RAB4B: variants seen among roughly 807,000 people sequenced by gnomAD.
RAB4B encodes ras-related protein Rab-4B.
A neutral mutation model predicts 28.3 loss-of-function variants in RAB4B; 15 were observed. That is an observed-to-expected ratio of 0.53 (90% CI 0.35 to 0.82). The LOEUF (loss-of-function observed/expected upper bound fraction) is 0.82. RAB4B is among the 40% of genes least tolerant of loss of function. RAB4B has a pLI of 0.01. For missense variants in RAB4B, 244 were observed against 288.5 expected (o/e 0.85, Z 1.12); for synonymous variants, 108 against 116.3 (o/e 0.93, Z 0.46).
In RAB4B at chr19:40,780,454, C is replaced by G; in HGVS notation, c.167C>G (p.Thr56Ser). 1 of 1,613,778 alleles carries G rather than the reference C, an allele frequency of 6.2e-7. No homozygotes were observed. The highest frequency in any genetic ancestry group is 1.1e-5 in the South Asian group (1 of 91,048). The stretch of plus-strand genomic sequence containing the variant: ...CGGGTGGTCAACGTGGGTGGGAAGA[C>G]TGTGAAGCTACAGATTTGGGACACG... ...GSRVVNVGGK[T>S]VKLQIWDTAG... Residue 56 changes from threonine to serine, a missense_variant, in exon 3 of 8, where the codon ACT (threonine) becomes AGT (serine). Transcript: ENST00000357052.
intron 7 of RAB4B, among the ~76,000 whole-genome samples, chr19:40,788,571 T>C (rs1269370119): frequency 6.9e-6 from 1 of 144,056 alleles, no homozygotes; most frequent in East Asian, 2.0e-4. Context: ...GATGAGTGGA[T>C]AGGGTGGAGG....
intron 7 of RAB4B, among the ~76,000 whole-genome samples, chr19:40,788,931 G>A (rs904025559): frequency 1.1e-4 from 16 of 151,028 alleles, no homozygotes; most frequent in Middle Eastern, 3.4e-3. Context: ...ACAGGCGCCC[G>A]CCACCACGCC....
intron 7 of RAB4B, among the ~76,000 whole-genome samples, chr19:40,788,824 C>T (rs564468368): frequency 8.3e-6 from 1 of 120,960 alleles, no homozygotes; most frequent in South Asian, 2.9e-4. Flanking sequence ...GAGTCTTGCT[C>T]TGTTGCCCAG....
chr19:40,778,273 G>C lies in RAB4B; in HGVS notation c.-103G>C. ...GAAGTGGCGGTGCCGGGCCCGGGGAGTAGGAAGGAGCCGGGGCTGTAGCCG... is the reference window on the plus strand; with the variant it reads ...GAAGTGGCGGTGCCGGGCCCGGGGACTAGGAAGGAGCCGGGGCTGTAGCCG... On this transcript the variant is annotated 5_prime_UTR_variant, in exon 1 of 8. Coordinates refer to ENST00000357052, the MANE Select transcript of RAB4B (RefSeq NM_016154.5). 8.5e-7 allele frequency: 1 copy of C among 1,180,890 alleles called. No individual in the cohort carries two copies. Among genetic ancestry groups the C allele is most frequent in the South Asian group, 1.5e-5 (1 of 67,700 alleles). 73.2% of individuals were successfully genotyped at this position (1,180,890 alleles called of 1,614,324 possible).
Position 40,778,364 on chromosome 19 carries a change from C to A in RAB4B, c.-12C>A, listed in dbSNP as rs1434286405. On this transcript the variant is annotated 5_prime_UTR_variant, in exon 1 of 8. Coordinates refer to ENST00000357052, the MANE Select transcript of RAB4B (RefSeq NM_016154.5). The stretch of plus-strand genomic sequence containing the variant: ...GCGCCATATTGCGGCCCTCAGCGGC[C>A]GCGACCGAGTCATGGCTGAGACCTA... The A allele has an allele frequency of 6.7e-7, 1 of 1,482,272 alleles. No individual in the cohort carries two copies. The highest frequency in any genetic ancestry group is 8.9e-7 in the Non-Finnish European group (1 of 1,124,478). The allele number at this position is 1,482,272 out of a possible 1,614,324, so 91.8% of individuals were successfully genotyped here.
chr19:40,778,354 C>T lies in RAB4B; in HGVS notation c.-22C>T, dbSNP rs1258138740. 11 of 1,482,286 alleles carry T rather than the reference C, an allele frequency of 7.4e-6. No individual in the cohort carries two copies. In the East Asian group the frequency reaches 3.0e-4, roughly 40 times the overall value. 91.8% of individuals were successfully genotyped at this position (1,482,286 alleles called of 1,614,324 possible). On this transcript the variant is annotated 5_prime_UTR_variant, in exon 1 of 8. Transcript: ENST00000357052. The stretch of plus-strand genomic sequence containing the variant: ...CGCGGCCGCGGCGCCATATTGCGGC[C>T]CTCAGCGGCCGCGACCGAGTCATGG...
chr19:40,795,138 C>G (rs1247089198), intron 7 of RAB4B, among the ~76,000 whole-genome samples: 2 of 138,470 alleles, frequency 1.4e-5, no homozygotes, highest in Non-Finnish European at 3.0e-5. Flanking sequence ...CACTGCACTT[C>G]AGCCCAGGCA....
At chr19:40,787,257 T>G (rs2545755) in intron 7 of RAB4B, among the ~76,000 whole-genome samples, 118,794 of 151,396 alleles carry the variant, frequency 0.78, 47,001 homozygotes, top group African/African-American at 0.88. Flanking sequence ...GGGCCAGGCC[T>G]GGCTCGGTGG....
At chr19:40,783,147 CAAAAAAAAAAA>C (rs1168587843) in intron 3 of RAB4B, among the ~76,000 whole-genome samples, 9 of 35,716 alleles carry the variant, frequency 2.5e-4, no homozygotes, top group South Asian at 4.2e-3. Context: ...GATTCCTACT[CAAAAAAAAAAA>C]AAAAAAAAAA....
chr19:40,791,904 A>G (rs963922682), intron 7 of RAB4B, among the ~76,000 whole-genome samples: 1 of 152,212 alleles, frequency 6.6e-6, no homozygotes, highest in African/African-American at 2.4e-5. Flanking sequence ...AAGTGCTGGA[A>G]TTATAGGCAT....
chr19:40,780,192 C>G lies in RAB4B; in HGVS notation c.97+93C>G, dbSNP rs532058770. ...AGCCGGTGGGGAGGGCAGGGCTGGC[C>G]ATAGGTACAAGTCCAGTGCTGGCTT... On this transcript the variant is annotated intron_variant, in intron 2 of 7. Coordinates refer to ENST00000357052, the MANE Select transcript of RAB4B (RefSeq NM_016154.5). 3.4e-5 allele frequency: 53 copies of G among 1,557,482 alleles called. No individual in the cohort carries two copies. The African/African-American group carries it at 5.3e-4, about 16-fold the overall frequency.
chr19:40,780,224 C>T, intron 2 of RAB4B, 125 bp downstream of exon 2: 5 of 1,483,532 alleles, frequency 3.4e-6, no homozygotes, highest in African/African-American at 2.8e-5. Context: ...GCTTTTTGGT[C>T]CTTGCTTTGT....
intron 7 of RAB4B, chr19:40,792,564 G>A (rs1470603398): frequency 6.6e-6 from 1 of 152,184 alleles, no homozygotes; most frequent in Non-Finnish European, 1.5e-5. Flanking sequence ...TATTTTATGT[G>A]TTAATCAAGG....
intron 5 of RAB4B, 172 bp from the exon 6 acceptor site, chr19:40,786,493 G>A: frequency 1.1e-6 from 1 of 895,178 alleles, no homozygotes; most frequent in Non-Finnish European, 1.7e-6. Flanking sequence ...AGAGCTGGGT[G>A]GGCATATCGG....
chr19:40,787,025 G>T, intron 7 of RAB4B, 47 bp downstream of exon 7: 1 of 1,474,672 alleles, frequency 6.8e-7, no homozygotes, highest in Non-Finnish European at 9.4e-7. Flanking sequence ...TCTTGGGCAT[G>T]GGGGAGATGG....
Position 40,778,356 on chromosome 19 carries a change from T to G in RAB4B, c.-20T>G. ...CGGCCGCGGCGCCATATTGCGGCCC[T>G]CAGCGGCCGCGACCGAGTCATGGCT... is the stretch of plus-strand genomic sequence containing the variant. On this transcript the variant is annotated 5_prime_UTR_variant, in exon 1 of 8. Coordinates refer to ENST00000357052, the MANE Select transcript of RAB4B (RefSeq NM_016154.5). 1 of 1,482,442 alleles carries G rather than the reference T, an allele frequency of 6.7e-7. No individual in the cohort carries two copies. Among genetic ancestry groups the G allele is most frequent in the South Asian group, 1.3e-5 (1 of 75,510 alleles). 91.8% of individuals were successfully genotyped at this position (1,482,442 alleles called of 1,614,324 possible). A position where few individuals can be genotyped will look rare whatever the true frequency, so the allele number is the denominator to read the frequency against.
At chr19:40,782,818 G>GACAA (rs2083061489) in intron 3 of RAB4B, among the ~76,000 whole-genome samples, 1 of 146,046 alleles carries the variant, frequency 6.8e-6, no homozygotes, top group Non-Finnish European at 1.5e-5. Flanking sequence ...ATCTCAATCA[G>GACAA]TCAATCAATC....
At chr19:40,778,648 C>T (rs1324423928) in intron 1 of RAB4B, among the ~76,000 whole-genome samples, 1 of 151,766 alleles carries the variant, frequency 6.6e-6, no homozygotes, top group Non-Finnish European at 1.5e-5. Context: ...TCAGGGAGGC[C>T]CTGAGGGAAG....
chr19:40,783,170 A>AC (rs2083066279), intron 3 of RAB4B, among the ~76,000 whole-genome samples: 1 of 136,430 alleles, frequency 7.3e-6, no homozygotes, highest in Admixed American at 7.0e-5. Flanking sequence ...AAAAAAAAAA[A>AC]AAGAAAAAGG....
Sources: allele counts gnomAD v4.1 joint callset (sites outside exome capture counted in the v4.1 genomes callset), GRCh38; gene constraint gnomAD v4.1.1; transcripts MANE v1.5; gene names NCBI Gene and HGNC (gene_info 2026-07-23, HGNC 2026-07-21).